The following LRP1B variants were observed in gnomAD, a reference collection of about 807,000 sequenced individuals.
LRP1B encodes the protein LDL receptor related protein 1B.
Under a neutral mutation model 556.6 loss-of-function variants are expected in LRP1B, and 217 were observed. That is an observed-to-expected ratio of 0.39 (90% CI 0.35 to 0.44). LRP1B has a LOEUF of 0.44. Ranked by LOEUF, LRP1B falls within the 20% of genes least tolerant of loss-of-function variation. LRP1B has a pLI of 1.00. For synonymous variants in LRP1B, 2,047 were observed against 1,865.8 expected (o/e 1.10, Z -2.50); for missense variants, 5,053 against 5,620.8 (o/e 0.90, Z 3.23).
intron 84 of LRP1B, among the ~76,000 whole-genome samples, chr2:140,294,083 G>T (rs1573746447): frequency 6.6e-6 from 1 of 152,174 alleles, no homozygotes; most frequent in East Asian, 1.9e-4. Context: ...GATCCAAACT[G>T]CTATACAAAC....
At chr2:140,270,183 G>T in intron 86 of LRP1B, 59 bp downstream of exon 86, 1 of 1,157,974 alleles carries the variant, frequency 8.6e-7, no homozygotes, top group Non-Finnish European at 1.3e-6. Flanking sequence ...ATAGAACAGG[G>T]ATTTCATGTA....
At chr2:141,115,658 T>TA (rs55954407) in intron 7 of LRP1B, among the ~76,000 whole-genome samples, 9 of 52,370 alleles carry the variant, frequency 1.7e-4, no homozygotes, top group Non-Finnish European at 2.9e-4. Flanking sequence ...TGTGTGTGTG[T>TA]TTTTTAGTAG....
At chr2:140,277,927 A>G (rs1377371695) in intron 84 of LRP1B, among the ~76,000 whole-genome samples, 1 of 151,976 alleles carries the variant, frequency 6.6e-6, no homozygotes, top group Non-Finnish European at 1.5e-5. Flanking sequence ...AAACATACAC[A>G]TAATATGCAC....
At chr2:141,401,500 T>C (rs750788812) in intron 3 of LRP1B, among the ~76,000 whole-genome samples, 20 of 152,176 alleles carry the variant, frequency 1.3e-4, no homozygotes, top group Non-Finnish European at 2.4e-4. Context: ...GTGGTCTGTG[T>C]TGAGCAGATG....
intron 66 of LRP1B, among the ~76,000 whole-genome samples, chr2:140,401,217 A>G (rs1314875391): frequency 6.6e-6 from 1 of 152,142 alleles, no homozygotes; most frequent in African/African-American, 2.4e-5. Context: ...ATGGGGAGTG[A>G]CATGGTCTGA....
In LRP1B at chr2:141,491,240, G is replaced by A. The variant is rs528196981; in HGVS notation, c.206-10707C>T. 9.2e-5 allele frequency among the ~76,000 whole-genome samples: 14 copies of A among 152,148 alleles called. No individual in the cohort carries two copies. The South Asian group carries it at 2.7e-3, about 29-fold the overall frequency. ...TATTTAATCAATGAATCAGAAAGAA[G>A]ATGCTCTTCAATTTTCAATTTTTAG... On this transcript the variant is annotated intron_variant, in intron 2 of 90. Coordinates refer to ENST00000389484, the MANE Select transcript of LRP1B (RefSeq NM_018557.3).
At position 142,042,517 on chromosome 2, in the gene LRP1B, C is replaced by A. The variant is rs766293556; in HGVS notation, c.82+88131G>T. ...TATTTACAACTGTATACCATTTGAT[C>A]TCTACTGTCCCAGGTAGTTCTGAAT... On this transcript the variant is annotated intron_variant, in intron 1 of 90. Transcript: ENST00000389484. Among the ~76,000 whole-genome samples, 46 of 151,458 alleles carry A rather than the reference C, an allele frequency of 3.0e-4. 1 individual carries two copies. The highest frequency in any genetic ancestry group is 1.4e-3 in the Admixed American group (21 of 15,178).
At chr2:142,005,052 C>A (rs1288025111) in intron 1 of LRP1B, among the ~76,000 whole-genome samples, 3 of 147,370 alleles carry the variant, frequency 2.0e-5, no homozygotes, top group African/African-American at 4.9e-5. Context: ...ATATTTAGTA[C>A]TATAATTATA....
intron 2 of LRP1B, among the ~76,000 whole-genome samples, chr2:141,621,260 C>T (rs1206042361): frequency 7.9e-5 from 12 of 152,078 alleles, no homozygotes; most frequent in Admixed American, 2.0e-4. Flanking sequence ...ATAAAAATTA[C>T]GTGGAAAGGG....
chr2:140,446,712 A>G (rs1208592280), intron 63 of LRP1B, among the ~76,000 whole-genome samples: 1 of 152,148 alleles, frequency 6.6e-6, no homozygotes, highest in Admixed American at 6.6e-5. Flanking sequence ...CAACAAAAAC[A>G]TTTAAGACTA....
intron 3 of LRP1B, among the ~76,000 whole-genome samples, chr2:141,406,452 A>AT (rs201764879): frequency 6.6e-6 from 1 of 152,016 alleles, no homozygotes; most frequent in South Asian, 2.1e-4. Context: ...AATATGAAGA[A>AT]TTTTTTAATA....
At chr2:141,418,317 T>C (rs894542488) in intron 3 of LRP1B, among the ~76,000 whole-genome samples, 9 of 152,158 alleles carry the variant, frequency 5.9e-5, no homozygotes, top group African/African-American at 2.2e-4. Context: ...TGAATATCAA[T>C]GTTATAACCC....
At chr2:140,724,266 C>T (rs920142646) in intron 35 of LRP1B, among the ~76,000 whole-genome samples, 21 of 152,182 alleles carry the variant, frequency 1.4e-4, no homozygotes, top group Non-Finnish European at 2.9e-4. Context: ...GGGAGGATTG[C>T]TTGAAACCAG....
At chr2:141,076,309 T>C (rs1699784783) in intron 7 of LRP1B, among the ~76,000 whole-genome samples, 1 of 152,134 alleles carries the variant, frequency 6.6e-6, no homozygotes, top group South Asian at 2.1e-4. Context: ...GCTTCAGGGG[T>C]TCCATCAACA....
chr2:141,822,081 C>T (rs1224383029), intron 1 of LRP1B, among the ~76,000 whole-genome samples: 1 of 116,296 alleles, frequency 8.6e-6, no homozygotes, highest in Non-Finnish European at 1.8e-5. Context: ...GCTTCTTCAC[C>T]AAAAAATACA....
intron 41 of LRP1B, among the ~76,000 whole-genome samples, chr2:140,675,077 A>T (rs1000162809): frequency 6.6e-6 from 1 of 152,156 alleles, no homozygotes; most frequent in Admixed American, 6.5e-5. Flanking sequence ...TTTTATCATC[A>T]TATCACCTTT....
At chr2:141,342,116 C>T (rs1964094) in intron 3 of LRP1B, among the ~76,000 whole-genome samples, 89,193 of 150,150 alleles carry the variant, frequency 0.59, 27,364 homozygotes, top group African/African-American at 0.69. Context: ...TGGTGGTGGG[C>T]GCCTGTAGTC....
chr2:140,365,304 T>C (rs1478573417), intron 71 of LRP1B, among the ~76,000 whole-genome samples: 3 of 151,626 alleles, frequency 2.0e-5, no homozygotes, highest in Admixed American at 6.6e-5. Context: ...AATTTGGCCA[T>C]ATCATACCAT....
intron 3 of LRP1B, among the ~76,000 whole-genome samples, chr2:141,310,001 C>T (rs1449318998): frequency 6.6e-6 from 1 of 152,140 alleles, no homozygotes; most frequent in African/African-American, 2.4e-5. Flanking sequence ...ATAAATTACC[C>T]AGTCTAAGAC....
Sources: allele counts gnomAD v4.1 joint callset (sites outside exome capture counted in the v4.1 genomes callset), GRCh38; gene constraint gnomAD v4.1.1; transcripts MANE v1.5; gene names NCBI Gene and HGNC (gene_info 2026-07-23, HGNC 2026-07-21).